Variants in PDE4B observed in about 807,000 individuals in gnomAD.
PDE4B encodes the protein 3',5'-cyclic-AMP phosphodiesterase 4B.
Under a neutral mutation model 82.2 loss-of-function variants are expected in PDE4B, and 20 were observed. The observed-to-expected ratio is 0.24, with a 90% confidence interval of 0.17 to 0.35. The LOEUF (loss-of-function observed/expected upper bound fraction) is 0.35, where lower values mean the gene tolerates loss of function less well. PDE4B is among the 10% of genes least tolerant of loss of function. The pLI, the probability that PDE4B is intolerant of heterozygous loss-of-function variation, is 1.00. For synonymous variants in PDE4B, 320 were observed against 318.9 expected (o/e 1.00, Z -0.04); for missense variants, 655 against 907.2 (o/e 0.72, Z 3.57).
intron 3 of PDE4B, among the ~76,000 whole-genome samples, chr1:66,170,662 C>T (rs373533612): frequency 1.3e-5 from 2 of 151,924 alleles, no homozygotes; most frequent in African/African-American, 4.8e-5. Flanking sequence ...TGTCTTTTAT[C>T]CTCTTTTTAG....
chr1:65,842,186 T>C (rs1646214513), intron 1 of PDE4B, among the ~76,000 whole-genome samples: 1 of 152,206 alleles, frequency 6.6e-6, no homozygotes, highest in Non-Finnish European at 1.5e-5. Flanking sequence ...ATGCCAGGCA[T>C]ATTTATTGAG....
intron 1 of PDE4B, among the ~76,000 whole-genome samples, chr1:65,871,584 G>C (rs1253850227): frequency 6.6e-6 from 1 of 152,166 alleles, no homozygotes; most frequent in Non-Finnish European, 1.5e-5. Flanking sequence ...TAGCTAATTA[G>C]AATTTGTACT....
rs78204032 is a variant in PDE4B at position 66,333,074 on chromosome 1, A to T, written c.747+454A>T. Among the ~76,000 whole-genome samples, 185 of 152,346 alleles carry T rather than the reference A, an allele frequency of 1.2e-3. 1 individual carries two copies. The highest frequency in any genetic ancestry group is 4.4e-3 in the African/African-American group (183 of 41,576). On this transcript the variant is annotated intron_variant, in intron 8 of 16. Transcript: ENST00000341517. ...AATGGGAAAGAATGGTCTGTGTTGA[A>T]GTTTGATAAATTCCCTCTAAAAAGA... is the stretch of plus-strand genomic sequence containing the variant.
chr1:66,111,040 A>C (rs375019677), intron 3 of PDE4B, among the ~76,000 whole-genome samples: 48 of 152,214 alleles, frequency 3.2e-4, no homozygotes, highest in African/African-American at 1.1e-3. Flanking sequence ...GGATTAAACT[A>C]TCTGATAAAA....
chr1:65,935,666 G>A (rs1399634447), intron 3 of PDE4B, among the ~76,000 whole-genome samples: 1 of 152,182 alleles, frequency 6.6e-6, no homozygotes, highest in Non-Finnish European at 1.5e-5. Flanking sequence ...ACACAGCCGG[G>A]TGTGGTGGCT....
At chr1:66,308,858 G>A (rs1461101869) in intron 7 of PDE4B, among the ~76,000 whole-genome samples, 1 of 152,108 alleles carries the variant, frequency 6.6e-6, no homozygotes, top group African/African-American at 2.4e-5. Flanking sequence ...CATATACAGA[G>A]CTATGCTAAC....
intron 3 of PDE4B, among the ~76,000 whole-genome samples, chr1:66,209,984 G>A (rs12045274): frequency 0.066 from 10,039 of 152,086 alleles, 538 homozygotes; most frequent in East Asian, 0.15. Context: ...TGCTATGAGC[G>A]TTCGTATCCC....
chr1:66,117,695 T>C (rs2503168), intron 3 of PDE4B, among the ~76,000 whole-genome samples: 151,902 of 152,324 alleles, frequency 1, 75,742 homozygotes, highest in Middle Eastern at 1. Context: ...ATCCTGGCAG[T>C]CCACGGACTT....
intron 3 of PDE4B, among the ~76,000 whole-genome samples, chr1:66,094,754 T>C (rs1425358439): frequency 6.6e-6 from 1 of 152,008 alleles, no homozygotes; most frequent in Non-Finnish European, 1.5e-5. Context: ...ACCATAATAG[T>C]AGCTAACATT....
intron 5 of PDE4B, 33 bp from the exon 6 acceptor site, chr1:66,257,760 T>C (rs779002533): frequency 1.9e-6 from 3 of 1,610,638 alleles, no homozygotes; most frequent in South Asian, 1.1e-5. Flanking sequence ...TGTCTTCTTT[T>C]GTCCTTAACC....
chr1:66,277,686 G>T (rs1002588120), intron 7 of PDE4B, among the ~76,000 whole-genome samples: 1 of 152,200 alleles, frequency 6.6e-6, no homozygotes, highest in Admixed American at 6.5e-5. Flanking sequence ...GAGCCACCAC[G>T]CCCGGCCTTA....
At chr1:65,840,069 C>T (rs1646189417) in intron 1 of PDE4B, among the ~76,000 whole-genome samples, 1 of 152,082 alleles carries the variant, frequency 6.6e-6, no homozygotes, top group Non-Finnish European at 1.5e-5. Context: ...AATTGCACCA[C>T]ATGAGGATAA....
At chr1:66,332,316 A>C in intron 7 of PDE4B, 192 bp from the exon 8 acceptor site, 1 of 1,574,652 alleles carries the variant, frequency 6.4e-7, no homozygotes, top group Non-Finnish European at 8.6e-7. Flanking sequence ...GGCACCAGCC[A>C]TCCCAGGCAG....
At position 66,189,409 on chromosome 1, in the gene PDE4B, A is replaced by G. The variant is rs936213763; in HGVS notation, c.282-58051A>G. 4.6e-5 allele frequency among the ~76,000 whole-genome samples: 7 copies of G among 152,312 alleles called. No individual in the cohort carries two copies. The South Asian group carries it at 6.2e-4, about 14-fold the overall frequency. On this transcript the variant is annotated intron_variant, in intron 3 of 16. Transcript: ENST00000341517. The stretch of plus-strand genomic sequence containing the variant: ...TGCTAGATTGGGGAAGTTCTCCTGG[A>G]TAATATCCTGCAGAGTGTTTTCCAA...
At chr1:65,875,719 C>T (rs1416408691) in intron 1 of PDE4B, among the ~76,000 whole-genome samples, 4 of 146,596 alleles carry the variant, frequency 2.7e-5, no homozygotes, top group East Asian at 2.0e-4. Context: ...GCAAACACCG[C>T]ATATTCTCAC....
intron 3 of PDE4B, among the ~76,000 whole-genome samples, chr1:66,138,467 C>T (rs1438441257): frequency 1.3e-5 from 2 of 152,012 alleles, no homozygotes; most frequent in African/African-American, 2.4e-5. Context: ...TGCAGTGAGC[C>T]GAGATCATGC....
intron 3 of PDE4B, among the ~76,000 whole-genome samples, chr1:66,135,666 A>G (rs539916946): frequency 6.6e-6 from 1 of 152,296 alleles, no homozygotes; most frequent in Admixed American, 6.5e-5. Context: ...ACACATTCAG[A>G]TGCTGGAATT....
chr1:66,100,185 C>T (rs1645194554), intron 3 of PDE4B, among the ~76,000 whole-genome samples: 1 of 152,044 alleles, frequency 6.6e-6, no homozygotes, highest in Non-Finnish European at 1.5e-5. Context: ...TCCCAAGTAA[C>T]TGTGACTACA....
rs185513383 is a variant in PDE4B, at chr1:66,085,435, T to G, written c.282-162025T>G. ...TTGGAAGAAGTCATTGAGTTAAAAA[T>G]GGAATTTTTATGACAGAAGTGCAAA... is the stretch of plus-strand genomic sequence containing the variant. On this transcript the variant is annotated intron_variant, in intron 3 of 16. Transcript: ENST00000341517. Among the ~76,000 whole-genome samples the G allele has an allele frequency of 1.4e-3, 209 of 152,240 alleles. 2 individuals are homozygous for G. In the Middle Eastern group the frequency reaches 0.017, roughly 12 times the overall value.
Sources: allele counts gnomAD v4.1 joint callset (sites outside exome capture counted in the v4.1 genomes callset), GRCh38; gene constraint gnomAD v4.1.1; transcripts MANE v1.5; gene names NCBI Gene and HGNC (gene_info 2026-07-23, HGNC 2026-07-21).